RUSC2: variants seen among roughly 807,000 people sequenced by gnomAD.
RUSC2 encodes the protein AP-4 complex accessory subunit RUSC2.
RUSC2 carries 34 observed loss-of-function variants against 122.2 expected under a neutral mutation model. That is an observed-to-expected ratio of 0.28 (90% CI 0.21 to 0.37). The LOEUF is 0.37. Among genes scored for constraint, RUSC2 ranks in the 10% least tolerant of loss-of-function variants. The probability of loss-of-function intolerance (pLI) is 1.00; values close to 1 mark genes in which losing one functional copy is unlikely to be tolerated. For synonymous variants in RUSC2, 784 were observed against 790.0 expected (o/e 0.99, Z 0.13); for missense variants, 1,747 against 1,952.4 (o/e 0.89, Z 1.98).
chr9:35,545,835 C>T (rs1282071721), intron 1 of RUSC2, among the ~76,000 whole-genome samples: 2 of 152,078 alleles, frequency 1.3e-5, no homozygotes, highest in African/African-American at 2.4e-5. Flanking sequence ...ACTTAGCCCA[C>T]GGTCATCAGA....
chr9:35,493,250 TTC>T (rs1820604392), intron 1 of RUSC2, among the ~76,000 whole-genome samples: 1 of 152,166 alleles, frequency 6.6e-6, no homozygotes, highest in African/African-American at 2.4e-5. Context: ...GGTTTTCTGT[TTC>T]TGTTAGTTTG....
Position 35,548,288 on chromosome 9 carries a change from G to A in RUSC2, c.1767G>A (p.Glu589=), listed in dbSNP as rs61741089. 7.5e-4 allele frequency: 1,205 copies of A among 1,613,998 alleles called. 8 individuals are homozygous for A. The African/African-American group carries it at 0.014, about 18-fold the overall frequency. The part of the protein sequence containing the change: ...AQQDRGAPLD[E]GTCCSHSLPP... The stretch of plus-strand genomic sequence containing the variant: ...AAGATCGGGGGGCCCCACTGGATGA[G>A]GGCACTTGCTGTAGCCATAGCCTGC... The change falls in exon 2 of 12, where the codon GAG becomes GAA. Residue 589 remains glutamate (E), a synonymous_variant. Transcript: ENST00000361226. The surrounding 1 kb of genome is among the most constrained non-coding windows in gnomAD (Gnocchi z 4.5).
Position 35,555,199 on chromosome 9 carries a change from G to C in RUSC2, c.2154G>C (p.Gln718His). The change falls in exon 3 of 12, where the codon CAG becomes CAC. Residue 718 changes from glutamine to histidine, a missense_variant. Transcript: ENST00000361226. The surrounding 1 kb of genome is among the most constrained non-coding windows in gnomAD (Gnocchi z 4.6). ...AKARALHSLS[Q>H]LYSLSGCSRT... ...CCCGGGCCCTCCACAGCCTTTCCCA[G>C]CTCTACAGCCTCTCAGGCTGCAGCC... 2 of 1,613,346 alleles carry C rather than the reference G, an allele frequency of 1.2e-6. No homozygotes were observed. Among genetic ancestry groups the C allele is most frequent in the South Asian group, 2.2e-5 (2 of 91,082 alleles).
chr9:35,493,072 C>T (rs1390223119), intron 1 of RUSC2, among the ~76,000 whole-genome samples: 3 of 151,908 alleles, frequency 2.0e-5, no homozygotes, highest in African/African-American at 4.8e-5. Context: ...GTTTGTTGTA[C>T]AGATTATTTC....
intron 1 of RUSC2, among the ~76,000 whole-genome samples, 155 bp downstream of exon 1, chr9:35,490,327 C>T (rs930014335): frequency 6.6e-6 from 1 of 152,096 alleles, no homozygotes; most frequent in African/African-American, 2.4e-5. Context: ...CCGCCCTCTG[C>T]GTCCGCCCCG....
intron 1 of RUSC2, among the ~76,000 whole-genome samples, chr9:35,510,338 C>T (rs1472541472): frequency 1.3e-5 from 2 of 152,052 alleles, no homozygotes; most frequent in African/African-American, 4.8e-5. Context: ...ATAGTGAGAC[C>T]CCGTCTCTAC....
chr9:35,504,980 C>G (rs1182242910), intron 1 of RUSC2, among the ~76,000 whole-genome samples: 9 of 152,208 alleles, frequency 5.9e-5, no homozygotes, highest in Non-Finnish European at 1.2e-4. Context: ...TAGAGATCTG[C>G]TGTACAATGC....
intron 1 of RUSC2, among the ~76,000 whole-genome samples, chr9:35,530,376 T>C (rs999827035): frequency 1.3e-5 from 2 of 152,122 alleles, no homozygotes; most frequent in African/African-American, 2.4e-5. Flanking sequence ...CATCAAGAGA[T>C]AATAAAATGG....
At chr9:35,536,594 C>A (rs1017539893) in intron 1 of RUSC2, among the ~76,000 whole-genome samples, 1 of 151,998 alleles carries the variant, frequency 6.6e-6, no homozygotes, top group African/African-American at 2.4e-5. Context: ...GGGTGGATCA[C>A]CTGAGGTCAG....
chr9:35,527,106 G>C (rs544828248), intron 1 of RUSC2, among the ~76,000 whole-genome samples: 6 of 149,088 alleles, frequency 4.0e-5, no homozygotes, highest in African/African-American at 1.5e-4. Context: ...CTTCAACTTT[G>C]TCTTTTCTGC....
rs986250573 is a variant in RUSC2, at chr9:35,508,335, G to A, written c.-93+18163G>A. 5.9e-5 allele frequency among the ~76,000 whole-genome samples: 9 copies of A among 152,290 alleles called. No individual in the cohort carries two copies. The South Asian group carries it at 1.2e-3, about 21-fold the overall frequency. Reference sequence around the variant, plus strand: ...GACTTCTCTATTCCTCCTTTGAAGCGTAACAGTTTGTTTAGATATCCACCT... The same window carrying A: ...GACTTCTCTATTCCTCCTTTGAAGCATAACAGTTTGTTTAGATATCCACCT... On this transcript the variant is annotated intron_variant, in intron 1 of 11. Transcript: ENST00000361226.
intron 1 of RUSC2, among the ~76,000 whole-genome samples, chr9:35,532,223 T>G (rs1024793962): frequency 2.0e-5 from 3 of 152,138 alleles, no homozygotes; most frequent in African/African-American, 7.2e-5. Flanking sequence ...GAGGTAATAA[T>G]AAGTATCTGA....
rs201160405 is a variant in RUSC2, at chr9:35,556,432, C to T, written c.2967C>T (p.Asp989=). 13 of 1,613,994 alleles carry T rather than the reference C, an allele frequency of 8.1e-6. No individual in the cohort carries two copies. The East Asian group carries it at 8.9e-5, about 11-fold the overall frequency. ...PDGSSEAISI[D]LLQKKGLVKA... is the part of the protein sequence containing the mutation. ...GCAGCTCAGAGGCCATTTCCATTGA[C>T]CTGCTTCAGAAAAAAGGTGCATACA... Residue 989 remains aspartate, a synonymous_variant, in exon 5 of 12, where the codon GAC becomes GAT. Coordinates refer to ENST00000361226, the MANE Select transcript of RUSC2 (RefSeq NM_014806.5).
intron 1 of RUSC2, among the ~76,000 whole-genome samples, chr9:35,532,304 T>C (rs753792362): frequency 2.6e-5 from 4 of 152,192 alleles, no homozygotes; most frequent in Non-Finnish European, 5.9e-5. Flanking sequence ...GCAAAGGTAA[T>C]GGGAAGTACT....
chr9:35,518,182 G>A (rs1376585432), intron 1 of RUSC2, among the ~76,000 whole-genome samples: 11 of 152,208 alleles, frequency 7.2e-5, no homozygotes, highest in Non-Finnish European at 5.9e-5. Context: ...GGGAAAAAAT[G>A]TATTAAATGA....
chr9:35,495,424 C>T (rs569274350), intron 1 of RUSC2, among the ~76,000 whole-genome samples: 1 of 150,772 alleles, frequency 6.6e-6, no homozygotes, highest in South Asian at 2.1e-4. Context: ...GTTGAAAAGA[C>T]TGACCTTTCC....
chr9:35,490,858 G>A (rs1820552721), intron 1 of RUSC2, among the ~76,000 whole-genome samples: 1 of 152,246 alleles, frequency 6.6e-6, no homozygotes, highest in African/African-American at 2.4e-5. Context: ...CGGCCCTGCG[G>A]ACACGGGGAA....
chr9:35,534,186 G>A (rs1821477984), intron 1 of RUSC2, among the ~76,000 whole-genome samples: 1 of 152,004 alleles, frequency 6.6e-6, no homozygotes, highest in African/African-American at 2.4e-5. Context: ...CTTTAGTTTT[G>A]ATTTGTACTG....
At chr9:35,510,500 G>T (rs1057208026) in intron 1 of RUSC2, among the ~76,000 whole-genome samples, 1 of 152,158 alleles carries the variant, frequency 6.6e-6, no homozygotes, top group Non-Finnish European at 1.5e-5. Context: ...CATTCCAAAG[G>T]CCTACTTAAT....
Sources: gnomAD v4.1 joint callset for allele counts (sites outside exome capture counted in the v4.1 genomes callset) on GRCh38, gnomAD v4.1.1 for gene constraint, Gnocchi (gnomAD v3.1) non-coding constraint, MANE v1.5 for transcripts, NCBI Gene and HGNC (gene_info 2026-07-23, HGNC 2026-07-21) for gene names.